CEP290: variants seen among roughly 807,000 people sequenced by gnomAD.
CEP290 encodes centrosomal protein of 290 kDa.
CEP290 carries 317 observed loss-of-function variants against 344.9 expected under a neutral mutation model. That is an observed-to-expected ratio of 0.92 (90% confidence interval 0.84 to 1.01). The LOEUF (loss-of-function observed/expected upper bound fraction) is 1.01, where lower values mean the gene tolerates loss of function less well. CEP290 is among the 50% of genes least tolerant of loss of function. CEP290 has a pLI of 0.00. For synonymous variants in CEP290, 932 were observed against 895.8 expected (o/e 1.04, Z -0.72); for missense variants, 2,754 against 2,761.4 (o/e 1.00, Z 0.06).
intron 28 of CEP290, among the ~76,000 whole-genome samples, chr12:88,093,145 A>G (rs953816080): frequency 4.6e-5 from 7 of 152,118 alleles, no homozygotes; most frequent in Non-Finnish European, 1.0e-4. Context: ...TTTTACTTCA[A>G]TTGTATCATC....
chr12:88,121,587 T>C (rs2039402765), intron 13 of CEP290, among the ~76,000 whole-genome samples: 1 of 139,330 alleles, frequency 7.2e-6, no homozygotes, highest in Non-Finnish European at 1.6e-5. Context: ...TAATGGAATA[T>C]AAACGCAAAG....
chr12:88,115,624 G>A lies in CEP290; in HGVS notation c.1825-442C>T, dbSNP rs532388920. On this transcript the variant is annotated intron_variant, in intron 18 of 53. Transcript: ENST00000552810. ...GTCAATGAGTTCATATCAATGTACT[G>A]CATTTTAGATTTTAAAAAGTACAAT... 3 of 1,131,654 alleles carry A rather than the reference G, an allele frequency of 2.7e-6. No individual in the cohort carries two copies. The African/African-American group carries it at 4.8e-5, about 18-fold the overall frequency. The allele number at this position is 1,131,654 out of a possible 1,614,324, so 70.1% of individuals were successfully genotyped here.
At chr12:88,094,839 A>C (rs2037315818) in intron 27 of CEP290, among the ~76,000 whole-genome samples, 2 of 152,148 alleles carry the variant, frequency 1.3e-5, no homozygotes, top group Admixed American at 1.3e-4. Flanking sequence ...CTTTTACAAT[A>C]CCAATAATGC....
At chr12:88,071,201 A>G (rs1191858932) in intron 43 of CEP290, 93 bp downstream of exon 43, 3 of 1,014,640 alleles carry the variant, frequency 3.0e-6, no homozygotes, top group African/African-American at 1.6e-5. Context: ...AACATAACCC[A>G]AGCTTAAGAC....
At chr12:88,073,559 T>C (rs1236151393) in intron 41 of CEP290, among the ~76,000 whole-genome samples, 1 of 152,200 alleles carries the variant, frequency 6.6e-6, no homozygotes, top group Non-Finnish European at 1.5e-5. Flanking sequence ...ATTTCAATTA[T>C]AATAGTAAAG....
At chr12:88,059,102 C>A (rs2034252974) in intron 48 of CEP290, 82 bp from the exon 49 acceptor site, 2 of 1,207,944 alleles carry the variant, frequency 1.7e-6, no homozygotes, top group Admixed American at 3.1e-5. Flanking sequence ...ATTATCATTA[C>A]AAATTGGAAA....
At chr12:88,135,702 C>G (rs1271432460) in intron 6 of CEP290, 1 of 152,012 alleles carries the variant, frequency 6.6e-6, no homozygotes, top group Non-Finnish European at 1.5e-5. Flanking sequence ...TCTTAAATAG[C>G]ATATCATTGT....
chr12:88,071,550 A>G (rs763913440), intron 42 of CEP290, 101 bp from the exon 43 acceptor site: 5 of 1,005,622 alleles, frequency 5.0e-6, no homozygotes, highest in Non-Finnish European at 7.2e-6. Context: ...GTAACACCCT[A>G]TATTTGTCAT....
chr12:88,056,585 C>T (rs1394691853), intron 49 of CEP290, among the ~76,000 whole-genome samples: 2 of 152,042 alleles, frequency 1.3e-5, no homozygotes, highest in Non-Finnish European at 1.5e-5. Flanking sequence ...ATATCAGAAG[C>T]TTACTCCTTC....
intron 12 of CEP290, 150 bp downstream of exon 12, chr12:88,126,166 G>A: frequency 2.0e-6 from 1 of 499,556 alleles, no homozygotes; most frequent in Non-Finnish European, 3.2e-6. Context: ...TTGGGACCAG[G>A]TGGTAGAAGA....
At chr12:88,133,143 T>G (rs1030980145) in intron 6 of CEP290, among the ~76,000 whole-genome samples, 5 of 149,674 alleles carry the variant, frequency 3.3e-5, no homozygotes, top group African/African-American at 1.2e-4. Context: ...TGGTGCGATC[T>G]CAGCTCACTG....
Position 88,141,810 on chromosome 12 carries a change from G to A in CEP290, c.-28+90C>T, listed in dbSNP as rs556509569. On this transcript the variant is annotated intron_variant, in intron 1 of 53. Transcript: ENST00000552810. ...ATTAGGGACCCGAGGCTGGAAGGGC[G>A]GGGTAGCTATGCTGTGGCACACGGG... is the stretch of plus-strand genomic sequence containing the variant. The A allele has an allele frequency of 1.1e-3, 173 of 152,788 alleles. No homozygotes were observed. In the Middle Eastern group the frequency reaches 0.014, roughly 12 times the overall value. 9.5% of individuals were successfully genotyped at this position (152,788 alleles called of 1,614,324 possible).
Position 88,084,838 on chromosome 12 carries a change from T to A in CEP290, c.4452A>T (p.Lys1484Asn). The A allele has an allele frequency of 6.4e-7, 1 of 1,565,200 alleles. No homozygotes were observed. The highest frequency in any genetic ancestry group is 1.4e-5 in the African/African-American group (1 of 72,918). The change falls in exon 35 of 54, where the codon AAA (lysine) becomes AAT (asparagine). Residue 1484 changes from lysine to asparagine, a missense_variant. Coordinates refer to ENST00000552810, the MANE Select transcript of CEP290 (RefSeq NM_025114.4). ...CKSLEEKLKEKESALRLAEQN... is the reference protein window; with the variant it reads ...CKSLEEKLKENESALRLAEQN... ...GTTCTGCTAACCTTAAAGCAGATTC[T>A]TTCTCTTTTAGTTTCTGCAATGATT...
chr12:88,070,798 A>G (rs1417356171), intron 43 of CEP290, among the ~76,000 whole-genome samples: 2 of 152,048 alleles, frequency 1.3e-5, no homozygotes, highest in Non-Finnish European at 2.9e-5. Flanking sequence ...CAAGAAAGGG[A>G]CCCTATAAAG....
chr12:88,079,970 T>C (rs961012086), intron 38 of CEP290, among the ~76,000 whole-genome samples: 5 of 152,162 alleles, frequency 3.3e-5, no homozygotes, highest in African/African-American at 1.2e-4. Flanking sequence ...CAAATCAGAT[T>C]GACGAAAACA....
At chr12:88,121,615 A>C (rs2039406696) in intron 13 of CEP290, among the ~76,000 whole-genome samples, 1 of 17,496 alleles carries the variant, frequency 5.7e-5, no homozygotes, top group African/African-American at 1.6e-4. Context: ...GTGAATTTCA[A>C]AAAAAAAAAA....
At chr12:88,106,654 C>A in intron 25 of CEP290, 21 bp downstream of exon 25, 2 of 1,549,570 alleles carry the variant, frequency 1.3e-6, no homozygotes, top group East Asian at 4.5e-5. Context: ...TCAGAAAAAG[C>A]AAAATAAGAA....
intron 33 of CEP290, 58 bp downstream of exon 33, chr12:88,086,333 T>C: frequency 6.9e-7 from 1 of 1,455,500 alleles, no homozygotes; most frequent in Non-Finnish European, 9.2e-7. Context: ...GAAATATTTC[T>C]GTGAGTTAAC....
At chr12:88,137,765 C>G (rs916413697) in intron 5 of CEP290, among the ~76,000 whole-genome samples, 2 of 152,140 alleles carry the variant, frequency 1.3e-5, no homozygotes, top group Non-Finnish European at 2.9e-5. Context: ...CTTTCAGATT[C>G]CAAATACATG....
Sources: allele counts gnomAD v4.1 joint callset (sites outside exome capture counted in the v4.1 genomes callset), GRCh38; gene constraint gnomAD v4.1.1; transcripts MANE v1.5; gene names NCBI Gene and HGNC (gene_info 2026-07-23, HGNC 2026-07-21).